The following ELAVL2 variants were observed in gnomAD, a reference collection of about 807,000 sequenced individuals.
The protein encoded by ELAVL2 is ELAV-like protein 2.
ELAVL2 carries 4 observed loss-of-function variants against 34.6 expected under a neutral mutation model. The observed-to-expected ratio is 0.12, with a 90% CI of 0.06 to 0.26. The LOEUF is 0.26. Among genes scored for constraint, ELAVL2 ranks in the 10% least tolerant of loss-of-function variants. ELAVL2 has a pLI of 1.00. For synonymous variants in ELAVL2, 193 were observed against 154.8 expected (o/e 1.25, Z -1.83); for missense variants, 432 against 442.8 (o/e 0.98, Z 0.22).
At chr9:23,759,328 G>A (rs368971561) in intron 2 of ELAVL2, among the ~76,000 whole-genome samples, 4 of 151,874 alleles carry the variant, frequency 2.6e-5, no homozygotes, top group Non-Finnish European at 5.9e-5. Flanking sequence ...AATACCACAC[G>A]ATCTCATAGG....
the ELAVL2 span, among the ~76,000 whole-genome samples, chr9:23,833,476 C>T: frequency 6.6e-6 from 1 of 151,606 alleles, no homozygotes; most frequent in Non-Finnish European, 1.5e-5. Context: ...TGAAAAGATA[C>T]ACTGTCACCA....
intron 1 of ELAVL2, among the ~76,000 whole-genome samples, chr9:23,762,940 G>T (rs1289947063): frequency 1.3e-5 from 2 of 152,040 alleles, no homozygotes; most frequent in South Asian, 2.1e-4. Context: ...CTAACTGGTA[G>T]AATCTAATAG....
intron 1 of ELAVL2, among the ~76,000 whole-genome samples, chr9:23,816,343 AAAAG>A (rs1262227354): frequency 2.0e-4 from 30 of 149,634 alleles, no homozygotes; most frequent in African/African-American, 6.3e-4. Context: ...AAAAAAAAAA[AAAAG>A]GGGATAAAAA....
chr9:23,753,773 T>TACCC (rs1487253782), intron 2 of ELAVL2, among the ~76,000 whole-genome samples: 3 of 152,102 alleles, frequency 2.0e-5, no homozygotes, highest in African/African-American at 7.2e-5. Context: ...AAACAAAGAC[T>TACCC]ACCCCCCAGA....
At chr9:23,804,402 C>T (rs1035423043) in intron 1 of ELAVL2, among the ~76,000 whole-genome samples, 2 of 152,054 alleles carry the variant, frequency 1.3e-5, no homozygotes, top group African/African-American at 4.8e-5. Flanking sequence ...AAAGTAAATA[C>T]TTAATACATA....
chr9:23,810,275 G>A (rs1236870771), intron 1 of ELAVL2, among the ~76,000 whole-genome samples: 5 of 152,056 alleles, frequency 3.3e-5, no homozygotes, highest in Admixed American at 6.6e-5. Flanking sequence ...TCACCAGCCT[G>A]TGATGGAAAT....
intron 3 of ELAVL2, 103 bp from the exon 4 acceptor site, chr9:23,705,174 A>G: frequency 7.5e-7 from 1 of 1,339,970 alleles, no homozygotes; most frequent in Non-Finnish European, 1.0e-6. Context: ...AACAGCATAG[A>G]ACACTGAAGT....
intron 1 of ELAVL2, among the ~76,000 whole-genome samples, chr9:23,762,924 C>T (rs1215109412): frequency 1.3e-5 from 2 of 152,020 alleles, no homozygotes; most frequent in African/African-American, 2.4e-5. Flanking sequence ...GCTATGAATA[C>T]TTTGTCTAAC....
upstream of ELAVL2, among the ~76,000 whole-genome samples, chr9:23,827,731 C>G (rs1360287883): frequency 6.6e-6 from 1 of 152,010 alleles, no homozygotes; most frequent in African/African-American, 2.4e-5. Flanking sequence ...ACAGAAGATC[C>G]CAAAGCAAAA....
At chr9:23,748,974 A>C (rs2051208374) in intron 2 of ELAVL2, among the ~76,000 whole-genome samples, 1 of 152,058 alleles carries the variant, frequency 6.6e-6, no homozygotes, top group Admixed American at 6.6e-5. Context: ...AAAGGCTGGG[A>C]GCAAAGGAGG....
chr9:23,719,361 G>T (rs532815026), intron 3 of ELAVL2, among the ~76,000 whole-genome samples: 2 of 152,212 alleles, frequency 1.3e-5, no homozygotes, highest in South Asian at 4.1e-4. Context: ...AGGTGAGAGG[G>T]GTGTTTTTAC....
At chr9:23,719,981 A>G (rs2043249734) in intron 3 of ELAVL2, among the ~76,000 whole-genome samples, 1 of 151,782 alleles carries the variant, frequency 6.6e-6, no homozygotes, top group Admixed American at 6.6e-5. Flanking sequence ...ACCTGCTACC[A>G]AACCCAGCTA....
intron 1 of ELAVL2, among the ~76,000 whole-genome samples, chr9:23,779,598 G>C (rs569860545): frequency 6.6e-6 from 1 of 152,078 alleles, no homozygotes; most frequent in South Asian, 2.1e-4. Context: ...GACAATATCA[G>C]AGCAATTACA....
chr9:23,756,531 T>C (rs184394892), intron 2 of ELAVL2, among the ~76,000 whole-genome samples: 2 of 152,054 alleles, frequency 1.3e-5, no homozygotes, highest in African/African-American at 2.4e-5. Flanking sequence ...CAATCTACCC[T>C]GGAGTTTCAA....
intron 1 of ELAVL2, among the ~76,000 whole-genome samples, chr9:23,785,680 G>C (rs889766847): frequency 6.6e-6 from 1 of 152,106 alleles, no homozygotes; most frequent in Non-Finnish European, 1.5e-5. Context: ...TAGAAATCTA[G>C]ACCTATTCTG....
intron 2 of ELAVL2, among the ~76,000 whole-genome samples, chr9:23,752,653 C>T (rs1023021427): frequency 2.0e-5 from 3 of 152,056 alleles, no homozygotes; most frequent in African/African-American, 2.4e-5. Flanking sequence ...CGGGGTTTCA[C>T]CATGTTGGCC....
intron 5 of ELAVL2, among the ~76,000 whole-genome samples, chr9:23,694,722 T>C (rs760306919): frequency 2.6e-5 from 4 of 152,236 alleles, no homozygotes; most frequent in South Asian, 2.1e-4. Context: ...TGGGGAAATA[T>C]ATAGCCTCCC....
intron 1 of ELAVL2, among the ~76,000 whole-genome samples, chr9:23,778,363 AAAAAC>A (rs545995276): frequency 2.1e-4 from 32 of 152,340 alleles, no homozygotes; most frequent in African/African-American, 7.2e-4. Context: ...CAACGTCCTT[AAAAAC>A]AAAACAAAAC....
At chr9:23,698,185 A>G (rs796900218) in intron 5 of ELAVL2, among the ~76,000 whole-genome samples, 15 of 152,352 alleles carry the variant, frequency 9.8e-5, no homozygotes, top group African/African-American at 3.6e-4. Context: ...TGTTTCACAG[A>G]AAAGAACATG....
Sources: gnomAD v4.1 joint callset for allele counts (sites outside exome capture counted in the v4.1 genomes callset) on GRCh38, gnomAD v4.1.1 for gene constraint, MANE v1.5 for transcripts, NCBI Gene and HGNC (gene_info 2026-07-23, HGNC 2026-07-21) for gene names.